Variants in PRKN observed in about 807,000 individuals in gnomAD.
PRKN encodes the protein parkin RBR E3 ubiquitin protein ligase.
PRKN carries 56 observed loss-of-function variants against 59.5 expected under a neutral mutation model. That is an observed-to-expected ratio of 0.94 (90% confidence interval 0.76 to 1.18). The LOEUF is 1.18. PRKN is among the 50% of genes most tolerant of loss of function. The pLI is 0.00. For missense variants in PRKN, 657 were observed against 596.4 expected, an observed-to-expected ratio of 1.10 and a Z score of -1.06; for synonymous variants, 250 against 222.1, an observed-to-expected ratio of 1.13 and a Z score of -1.12.
chr6:162,269,276 G>C (rs953454294), intron 2 of PRKN, among the ~76,000 whole-genome samples: 1 of 152,164 alleles, frequency 6.6e-6, no homozygotes, highest in African/African-American at 2.4e-5. Context: ...AACTGTGTCT[G>C]TAGTACCTAC....
In PRKN at chr6:161,576,397, C is replaced by T. The variant is rs1781130914; in HGVS notation, c.872-6981G>A. Among the ~76,000 whole-genome samples, 3 of 152,172 alleles carry T rather than the reference C, an allele frequency of 2.0e-5. No individual in the cohort carries two copies. Among genetic ancestry groups the T allele is most frequent in the South Asian group, 2.1e-4 (1 of 4,818 alleles). ...AATAATGTACTTACAGGTATACACA[C>T]GGGAGAGTAACTTACATGGTTACAC... On this transcript the variant is annotated intron_variant, in intron 7 of 11. Coordinates refer to ENST00000366898, the MANE Select transcript of PRKN (RefSeq NM_004562.3). This position sits in a 1 kb window ranked among gnomAD's most constrained non-coding sequence, Gnocchi z 4.6.
At chr6:161,747,999 C>T (rs776989871) in intron 7 of PRKN, among the ~76,000 whole-genome samples, 11 of 152,082 alleles carry the variant, frequency 7.2e-5, no homozygotes, top group Non-Finnish European at 1.5e-4. Context: ...TCTTGTCTTT[C>T]GGTGGCATTT....
At position 162,023,554 on chromosome 6, in the gene PRKN, C is replaced by T. The variant is rs549782378; in HGVS notation, c.618+30537G>A. ...GTTTGTCGGTGTGCTCTTCTCCTAG[C>T]CTGCTCCTCTCCTCGCCCTCTCCAC... On this transcript the variant is annotated intron_variant, in intron 5 of 11. Coordinates refer to ENST00000366898, the MANE Select transcript of PRKN (RefSeq NM_004562.3). 2.3e-3 allele frequency among the ~76,000 whole-genome samples: 353 copies of T among 152,246 alleles called. 2 individuals are homozygous for T. Among genetic ancestry groups the T allele is most frequent in the African/African-American group, 8.4e-3 (349 of 41,520 alleles).
Position 161,447,241 on chromosome 6 carries a change from C to T in PRKN, c.1084-60364G>A, listed in dbSNP as rs1045999677. ...GCTGTTCATTGACCAGCTTTTCCTG[C>T]GTGTCTAAATTCTTCGGTTCTCTCT... On this transcript the variant is annotated intron_variant, in intron 9 of 11. Coordinates refer to ENST00000366898, the MANE Select transcript of PRKN (RefSeq NM_004562.3). The surrounding 1 kb of genome is among the most constrained non-coding windows in gnomAD (Gnocchi z 4.1). Among the ~76,000 whole-genome samples the T allele has an allele frequency of 1.3e-5, 2 of 152,134 alleles. No homozygotes were observed. Among genetic ancestry groups the T allele is most frequent in the African/African-American group, 4.8e-5 (2 of 41,436 alleles).
rs1349952496 is a variant in PRKN, at chr6:162,015,925, A to G, written c.618+38166T>C. ...AATCAATTTGTTGTAAATTGACTGAAGTTCATTTACACGAAACAGAACCTT... is the reference window on the plus strand; with the variant it reads ...AATCAATTTGTTGTAAATTGACTGAGGTTCATTTACACGAAACAGAACCTT... On this transcript the variant is annotated intron_variant, in intron 5 of 11. Coordinates refer to ENST00000366898, the MANE Select transcript of PRKN (RefSeq NM_004562.3). Among the ~76,000 whole-genome samples, 5 of 152,320 alleles carry G rather than the reference A, an allele frequency of 3.3e-5. No individual in the cohort carries two copies. The East Asian group carries it at 7.7e-4, about 24-fold the overall frequency.
At chr6:161,714,490 G>A (rs889588437) in intron 7 of PRKN, among the ~76,000 whole-genome samples, 2 of 152,198 alleles carry the variant, frequency 1.3e-5, no homozygotes, top group Admixed American at 1.3e-4. Flanking sequence ...CCAGACACCA[G>A]TGCTGAAGTC....
chr6:162,307,414 A>C (rs9346910), intron 2 of PRKN, among the ~76,000 whole-genome samples: 12,185 of 151,124 alleles, frequency 0.081, 998 homozygotes, highest in East Asian at 0.48. Flanking sequence ...AAAAAAAAAA[A>C]AAAACACCAA....
chr6:162,046,238 G>A (rs999679192), intron 5 of PRKN, among the ~76,000 whole-genome samples: 5 of 152,090 alleles, frequency 3.3e-5, no homozygotes, highest in Non-Finnish European at 1.5e-5. Context: ...CTATGGAAAG[G>A]CAAAAAACGA....
At chr6:162,342,685 A>G (rs1444998354) in intron 2 of PRKN, among the ~76,000 whole-genome samples, 3 of 152,172 alleles carry the variant, frequency 2.0e-5, no homozygotes, top group African/African-American at 7.2e-5. Context: ...GGCAGATTTA[A>G]GGCACGGCTT....
At chr6:162,027,517 A>G (rs550597357) in intron 5 of PRKN, among the ~76,000 whole-genome samples, 76 of 152,306 alleles carry the variant, frequency 5.0e-4, no homozygotes, top group South Asian at 1.9e-3. Flanking sequence ...ATAAGTAAGC[A>G]ATACCTTTAT....
At chr6:161,517,649 A>T (rs1483940386) in intron 9 of PRKN, among the ~76,000 whole-genome samples, 1 of 140,442 alleles carries the variant, frequency 7.1e-6, no homozygotes, top group Non-Finnish European at 1.5e-5. Flanking sequence ...CTGAGGCAGG[A>T]GAATGGTGTG....
At chr6:161,854,140 A>C (rs1004295141) in intron 6 of PRKN, among the ~76,000 whole-genome samples, 1 of 151,328 alleles carries the variant, frequency 6.6e-6, no homozygotes, top group African/African-American at 2.4e-5. Context: ...CTGTAATCCC[A>C]GCTACCCAGG....
chr6:162,561,360 A>C (rs976826129), intron 1 of PRKN, among the ~76,000 whole-genome samples: 3 of 150,974 alleles, frequency 2.0e-5, no homozygotes, highest in Non-Finnish European at 4.4e-5. Flanking sequence ...ATGACTATCT[A>C]GTTTTTAAAA....
chr6:161,809,337 G>T (rs965232368), intron 6 of PRKN, among the ~76,000 whole-genome samples: 1 of 152,068 alleles, frequency 6.6e-6, no homozygotes, highest in Non-Finnish European at 1.5e-5. Context: ...CATACGAGAA[G>T]GTGAGGAGGT....
intron 7 of PRKN, among the ~76,000 whole-genome samples, chr6:161,688,566 T>C (rs367999262): frequency 3.0e-4 from 46 of 152,228 alleles, no homozygotes; most frequent in African/African-American, 1.1e-3. Flanking sequence ...CTTGTTTCCA[T>C]GGGACTTTTC....
intron 7 of PRKN, among the ~76,000 whole-genome samples, chr6:161,655,252 C>T (rs146928689): frequency 0.014 from 2,088 of 146,640 alleles, 56 homozygotes; most frequent in Non-Finnish European, 0.022. Flanking sequence ...CTGGGCCCAC[C>T]CATGCTCTCA....
intron 4 of PRKN, among the ~76,000 whole-genome samples, chr6:162,157,337 TCTC>T (rs1361875646): frequency 9.9e-5 from 15 of 151,776 alleles, no homozygotes; most frequent in Admixed American, 6.6e-4. Flanking sequence ...TTCATGCCCT[TCTC>T]CTCTTGCTCT....
At chr6:162,006,491 C>T (rs1385285701) in intron 5 of PRKN, among the ~76,000 whole-genome samples, 1 of 152,170 alleles carries the variant, frequency 6.6e-6, no homozygotes. Context: ...GTGTTCCATT[C>T]CACTTGGAAA....
chr6:161,387,914 G>A (rs940293148), intron 9 of PRKN, among the ~76,000 whole-genome samples: 8 of 152,202 alleles, frequency 5.3e-5, no homozygotes, highest in Admixed American at 2.6e-4. Context: ...GAGATGATGA[G>A]CAGCATTCAC....
Sources: gnomAD v4.1 joint callset for allele counts (sites outside exome capture counted in the v4.1 genomes callset) on GRCh38, gnomAD v4.1.1 for gene constraint, Gnocchi (gnomAD v3.1) non-coding constraint, MANE v1.5 for transcripts, NCBI Gene and HGNC (gene_info 2026-07-23, HGNC 2026-07-21) for gene names.